NEK1: variants seen among roughly 807,000 people sequenced by gnomAD.
The protein encoded by NEK1 is serine/threonine-protein kinase Nek1.
NEK1 carries 137 observed loss-of-function variants against 182.1 expected under a neutral mutation model. The ratio of observed to expected loss-of-function variants is 0.75; its 90% CI spans 0.65 to 0.87. The LOEUF (loss-of-function observed/expected upper bound fraction) is 0.87, where lower values mean the gene tolerates loss of function less well. Ranked by LOEUF, NEK1 falls within the 40% of genes least tolerant of loss-of-function variation. The pLI is 0.00. For missense variants in NEK1, 1,391 were observed against 1,494.4 expected, an observed-to-expected ratio of 0.93 and a Z score of 1.14; for synonymous variants, 513 against 492.2, an observed-to-expected ratio of 1.04 and a Z score of -0.56.
At chr4:169,451,722 A>T (rs2149468407) in intron 27 of NEK1, among the ~76,000 whole-genome samples, 1 of 152,356 alleles carries the variant, frequency 6.6e-6, no homozygotes, top group African/African-American at 2.4e-5. Context: ...TCACAATTAA[A>T]AGAACTAGAG....
At chr4:169,429,753 T>G (rs936962580) in intron 29 of NEK1, among the ~76,000 whole-genome samples, 1 of 152,188 alleles carries the variant, frequency 6.6e-6, no homozygotes, top group African/African-American at 2.4e-5. Flanking sequence ...TAAAGTATCA[T>G]ACTGTTGTAT....
At chr4:169,610,828 G>C (rs539309144) in intron 2 of NEK1, among the ~76,000 whole-genome samples, 19 of 152,200 alleles carry the variant, frequency 1.2e-4, no homozygotes, top group African/African-American at 4.1e-4. Flanking sequence ...CATGGCAACA[G>C]GTTTCAAGAA....
intron 16 of NEK1, among the ~76,000 whole-genome samples, chr4:169,560,894 A>G (rs995023446): frequency 2.6e-5 from 4 of 152,052 alleles, no homozygotes; most frequent in Admixed American, 6.6e-5. Flanking sequence ...TAACTCATCT[A>G]TGTAACTGGT....
intron 18 of NEK1, among the ~76,000 whole-genome samples, chr4:169,550,456 G>A (rs1293482022): frequency 1.3e-5 from 2 of 152,180 alleles, no homozygotes; most frequent in South Asian, 2.1e-4. Flanking sequence ...AAACTGTCCA[G>A]CTTCAACTCC....
chr4:169,467,519 C>A (rs947822178), intron 26 of NEK1, among the ~76,000 whole-genome samples: 1 of 151,646 alleles, frequency 6.6e-6, no homozygotes, highest in Non-Finnish European at 1.5e-5. Flanking sequence ...AAAAATAACC[C>A]CAAATAATGC....
intron 26 of NEK1, among the ~76,000 whole-genome samples, chr4:169,474,156 G>A (rs1746527163): frequency 6.6e-6 from 1 of 152,132 alleles, no homozygotes; most frequent in South Asian, 2.1e-4. Context: ...AAAGAGCTTG[G>A]CATGTTTTAA....
chr4:169,603,935 A>C (rs1770917168), intron 2 of NEK1, among the ~76,000 whole-genome samples: 1 of 152,100 alleles, frequency 6.6e-6, no homozygotes, highest in Non-Finnish European at 1.5e-5. Flanking sequence ...TCCTGACCTC[A>C]GGTGATCTGC....
At chr4:169,397,285 G>T (rs565064398) in intron 35 of NEK1, among the ~76,000 whole-genome samples, 146 of 151,980 alleles carry the variant, frequency 9.6e-4, no homozygotes, top group Non-Finnish European at 1.8e-3. Flanking sequence ...CTATATATGG[G>T]CTCTACTGAC....
intron 23 of NEK1, among the ~76,000 whole-genome samples, chr4:169,479,790 A>G (rs1463658794): frequency 6.6e-6 from 1 of 152,180 alleles, no homozygotes; most frequent in South Asian, 2.1e-4. Flanking sequence ...TGCATTATCA[A>G]TGTTTCATGA....
intron 19 of NEK1, among the ~76,000 whole-genome samples, chr4:169,532,951 G>A (rs1324081941): frequency 6.6e-6 from 1 of 151,614 alleles, no homozygotes; most frequent in African/African-American, 2.4e-5. Flanking sequence ...AAGGAAAGGA[G>A]AAAGGGAAAG....
At chr4:169,583,138 A>G (rs1410572170) in intron 10 of NEK1, among the ~76,000 whole-genome samples, 1 of 152,052 alleles carries the variant, frequency 6.6e-6, no homozygotes, top group African/African-American at 2.4e-5. Flanking sequence ...ATAGCCTTTA[A>G]AAAAAGGTAT....
intron 16 of NEK1, among the ~76,000 whole-genome samples, chr4:169,558,325 A>G (rs1038603832): frequency 1.3e-5 from 2 of 152,254 alleles, no homozygotes; most frequent in Non-Finnish European, 2.9e-5. Flanking sequence ...AAATTCACCA[A>G]TTGTAAGCAC....
chr4:169,441,209 T>G (rs989575784), intron 27 of NEK1, among the ~76,000 whole-genome samples: 1 of 152,182 alleles, frequency 6.6e-6, no homozygotes, highest in Non-Finnish European at 1.5e-5. Context: ...TTGCTGGTAC[T>G]GACAGCAACC....
intron 31 of NEK1, among the ~76,000 whole-genome samples, chr4:169,409,798 C>T (rs1486573006): frequency 6.6e-6 from 1 of 151,980 alleles, no homozygotes; most frequent in Non-Finnish European, 1.5e-5. Context: ...GAAAAAATTA[C>T]GGCCGTTCTT....
intron 3 of NEK1, 33 bp downstream of exon 3, chr4:169,602,481 T>C (rs1222931275): frequency 4.4e-6 from 5 of 1,137,070 alleles, no homozygotes; most frequent in South Asian, 1.3e-5. Flanking sequence ...AACTAAACCA[T>C]TACTCATGAA....
intron 28 of NEK1, among the ~76,000 whole-genome samples, chr4:169,437,338 T>C (rs1012661670): frequency 6.6e-5 from 10 of 152,186 alleles, no homozygotes; most frequent in African/African-American, 2.2e-4. Flanking sequence ...TCTGAGCTAA[T>C]GTCATAATGA....
chr4:169,514,579 A>T (rs1425896508), intron 19 of NEK1, among the ~76,000 whole-genome samples: 1 of 152,210 alleles, frequency 6.6e-6, no homozygotes, highest in African/African-American at 2.4e-5. Flanking sequence ...TATCTGTTTC[A>T]ACTTGGCTAA....
chr4:169,566,300 A>G (rs1399711975), intron 12 of NEK1, among the ~76,000 whole-genome samples: 4 of 152,230 alleles, frequency 2.6e-5, no homozygotes, highest in Non-Finnish European at 5.9e-5. Context: ...ATTGCCTTAC[A>G]TATAAGATAT....
rs774316995 is a variant in NEK1 at position 169,451,116 on chromosome 4, G to A, written c.2587+12127C>T. On this transcript the variant is annotated intron_variant, in intron 27 of 35. Transcript: ENST00000507142. Reference sequence around the variant, plus strand: ...TTAAATATATATGCACCCAATACAGGAGGACCCAGATTCATAAAGCAAGTT... The same window carrying A: ...TTAAATATATATGCACCCAATACAGAAGGACCCAGATTCATAAAGCAAGTT... Among the ~76,000 whole-genome samples the A allele has an allele frequency of 2.8e-4, 42 of 152,252 alleles. 1 individual carries two copies. Among genetic ancestry groups the A allele is most frequent in the Non-Finnish European group, 5.7e-4 (39 of 68,010 alleles).
Sources: allele counts gnomAD v4.1 joint callset (sites outside exome capture counted in the v4.1 genomes callset), GRCh38; gene constraint gnomAD v4.1.1; transcripts MANE v1.5; gene names NCBI Gene and HGNC (gene_info 2026-07-23, HGNC 2026-07-21).